STPG2: variants seen among roughly 807,000 people sequenced by gnomAD.
STPG2 encodes the protein sperm-tail PG-rich repeat-containing protein 2.
STPG2 carries 56 observed loss-of-function variants against 54.2 expected under a neutral mutation model. That is an observed-to-expected ratio of 1.03 (90% CI 0.83 to 1.29). STPG2 has a LOEUF of 1.29. Among genes scored for constraint, STPG2 ranks in the 50% most tolerant of loss-of-function variants. The probability of loss-of-function intolerance (pLI) is 0.00; values close to 1 mark genes in which losing one functional copy is unlikely to be tolerated. For synonymous variants in STPG2, 200 were observed against 181.8 expected (o/e 1.10, Z -0.81); for missense variants, 596 against 544.9 (o/e 1.09, Z -0.93).
chr4:97,788,829 T>C (rs764022156), intron 9 of STPG2, among the ~76,000 whole-genome samples: 1 of 152,112 alleles, frequency 6.6e-6, no homozygotes, highest in South Asian at 2.1e-4. Flanking sequence ...AAAATATTTA[T>C]TGTTATACAG....
At chr4:97,841,622 T>G (rs1728805004) in intron 8 of STPG2, among the ~76,000 whole-genome samples, 1 of 151,804 alleles carries the variant, frequency 6.6e-6, no homozygotes, top group South Asian at 2.1e-4. Flanking sequence ...TCTATTCACC[T>G]AGATTATGTA....
intron 5 of STPG2, among the ~76,000 whole-genome samples, chr4:97,992,602 A>C (rs1735056609): frequency 6.6e-6 from 1 of 152,014 alleles, no homozygotes; most frequent in African/African-American, 2.4e-5. Context: ...GTTCCGTATG[A>C]ATTTTAGGAT....
chr4:97,799,694 G>T (rs1553914538), intron 9 of STPG2, among the ~76,000 whole-genome samples: 10 of 152,030 alleles, frequency 6.6e-5, no homozygotes, highest in Non-Finnish European at 1.3e-4. Context: ...TATCTTTGTG[G>T]CATTCTCTGT....
At chr4:97,899,558 C>T (rs1300010596) in intron 8 of STPG2, among the ~76,000 whole-genome samples, 1 of 151,320 alleles carries the variant, frequency 6.6e-6, no homozygotes, top group Admixed American at 6.6e-5. Context: ...ATTACACTAC[C>T]CAAATTCAAA....
chr4:97,590,642 C>CACAG (rs200867064), intron 10 of STPG2, among the ~76,000 whole-genome samples: 9 of 146,794 alleles, frequency 6.1e-5, no homozygotes, highest in African/African-American at 1.8e-4. Context: ...CACACAGACA[C>CACAG]ACACACACAC....
chr4:97,552,518 A>G (rs532832232), intron 4 of STPG2, among the ~76,000 whole-genome samples: 1 of 152,258 alleles, frequency 6.6e-6, no homozygotes, highest in Admixed American at 6.5e-5. Flanking sequence ...ACTAGATATC[A>G]TATCATATTT....
chr4:97,767,977 C>A (rs1159977056), intron 9 of STPG2, among the ~76,000 whole-genome samples: 4 of 152,086 alleles, frequency 2.6e-5, no homozygotes, highest in Non-Finnish European at 5.9e-5. Context: ...GTCATCCTGG[C>A]CAACATGGTG....
intron 9 of STPG2, among the ~76,000 whole-genome samples, chr4:97,768,020 T>C (rs900293051): frequency 1.3e-5 from 2 of 151,790 alleles, no homozygotes; most frequent in Non-Finnish European, 2.9e-5. Flanking sequence ...ACAAAAAAAT[T>C]AGCGGGCGTG....
intron 4 of STPG2, among the ~76,000 whole-genome samples, chr4:97,536,839 T>C (rs1008587734): frequency 6.6e-6 from 1 of 152,152 alleles, no homozygotes; most frequent in Admixed American, 6.5e-5. Context: ...CAATGGAGAA[T>C]GAATTATCTG....
At chr4:97,518,939 T>A (rs967458749) in intron 4 of STPG2, among the ~76,000 whole-genome samples, 5 of 152,130 alleles carry the variant, frequency 3.3e-5, no homozygotes, top group African/African-American at 1.2e-4. Flanking sequence ...TTATCAAAAC[T>A]ATTCATAGAA....
intron 10 of STPG2, among the ~76,000 whole-genome samples, chr4:97,673,996 G>T (rs998871209): frequency 1.2e-4 from 18 of 152,044 alleles, no homozygotes; most frequent in Admixed American, 7.2e-4. Flanking sequence ...GACCTAAAGG[G>T]TTTAACACAA....
At chr4:97,694,083 T>C (rs1723475160) in intron 10 of STPG2, among the ~76,000 whole-genome samples, 1 of 151,732 alleles carries the variant, frequency 6.6e-6, no homozygotes, top group Admixed American at 6.6e-5. Context: ...AAATAGACAA[T>C]CTAAGGTCAC....
At chr4:97,681,504 G>A (rs944865684) in intron 10 of STPG2, among the ~76,000 whole-genome samples, 9 of 151,580 alleles carry the variant, frequency 5.9e-5, no homozygotes, top group African/African-American at 1.2e-4. Context: ...CTATATATTC[G>A]TTAATTGGCA....
intron 4 of STPG2, among the ~76,000 whole-genome samples, chr4:97,550,766 C>T (rs1280551725): frequency 6.6e-6 from 1 of 151,916 alleles, no homozygotes; most frequent in South Asian, 2.1e-4. Context: ...CTGGTGGGTT[C>T]GTGGTCTCGC....
At chr4:97,844,767 C>T (rs1238588970) in intron 8 of STPG2, among the ~76,000 whole-genome samples, 2 of 151,462 alleles carry the variant, frequency 1.3e-5, no homozygotes, top group African/African-American at 4.8e-5. Flanking sequence ...TTTTTCTGCT[C>T]CTTTCTTTCT....
intron 5 of STPG2, among the ~76,000 whole-genome samples, chr4:98,065,378 A>G (rs1293462124): frequency 6.6e-6 from 1 of 152,160 alleles, no homozygotes. Context: ...TAACTGGATA[A>G]TTATATAAAA....
intron 9 of STPG2, among the ~76,000 whole-genome samples, chr4:97,829,870 T>C (rs1728391898): frequency 6.6e-6 from 1 of 152,008 alleles, no homozygotes; most frequent in Non-Finnish European, 1.5e-5. Flanking sequence ...AATATGGAAC[T>C]GTGTAAAAAG....
intron 10 of STPG2, among the ~76,000 whole-genome samples, chr4:97,706,361 T>G (rs1417271977): frequency 3.3e-5 from 5 of 152,178 alleles, no homozygotes; most frequent in African/African-American, 1.2e-4. Flanking sequence ...AAAGTTGGCA[T>G]TTGTAGGTCC....
chr4:97,908,965 T>C (rs925996143), intron 8 of STPG2, among the ~76,000 whole-genome samples: 4 of 150,742 alleles, frequency 2.7e-5, no homozygotes, highest in African/African-American at 4.9e-5. Context: ...TGTATACATA[T>C]GTAACTAACC....
Sources: gnomAD v4.1 joint callset for allele counts (sites outside exome capture counted in the v4.1 genomes callset) on GRCh38, gnomAD v4.1.1 for gene constraint, MANE v1.5 for transcripts, NCBI Gene and HGNC (gene_info 2026-07-23, HGNC 2026-07-21) for gene names.